Variants in AKNA observed in about 807,000 individuals in gnomAD.
AKNA encodes the protein AT-hook transcription factor.
Under a neutral mutation model 138.8 loss-of-function variants are expected in AKNA, and 67 were observed. The observed-to-expected ratio is 0.48, with a 90% CI of 0.40 to 0.59. AKNA has a LOEUF of 0.59. Among genes scored for constraint, AKNA ranks in the 20% least tolerant of loss-of-function variants. AKNA has a pLI of 0.00. For synonymous variants in AKNA, 737 were observed against 754.4 expected, an observed-to-expected ratio of 0.98 and a Z score of 0.38; for missense variants, 1,813 against 1,880.4, an observed-to-expected ratio of 0.96 and a Z score of 0.66.
chr9:114,370,379 C>G (rs1335346674), intron 4 of AKNA, among the ~76,000 whole-genome samples: 1 of 152,232 alleles, frequency 6.6e-6, no homozygotes, highest in Non-Finnish European at 1.5e-5. Flanking sequence ...AGACCCCTCT[C>G]TCAGCCTCAG....
rs893747712 is a variant in AKNA, at chr9:114,347,730, T to C, written c.3392A>G (p.Tyr1131Cys). ...ADSPATWGSHYGSKSTERLPG... is the reference protein window; with the variant it reads ...ADSPATWGSHCGSKSTERLPG... ...GAGTTTTGAGGTCACCCACCTGCCA[T>C]AATGGGAGCCCCAGGTGGCTGGGGA... Residue 1131 changes from tyrosine to cysteine, a missense_variant, in exon 16 of 22, where the codon TAT becomes TGT. Transcript: ENST00000374088. The C allele has an allele frequency of 3.9e-5, 59 of 1,528,476 alleles. No individual in the cohort carries two copies. The highest frequency in any genetic ancestry group is 4.9e-5 in the Non-Finnish European group (56 of 1,137,020). The allele number at this position is 1,528,476 out of a possible 1,614,324, so 94.7% of individuals were successfully genotyped here.
At chr9:114,394,449 C>G (rs755129811), upstream of AKNA, 14 of 152,282 alleles carry the variant, frequency 9.2e-5, no homozygotes, top group Admixed American at 2.0e-4. Context: ...TCTTTGAGGC[C>G]CTTTACAGCT....
rs199693279 is a variant in AKNA at position 114,345,940 on chromosome 9, T to C, written c.3584A>G (p.Gln1195Arg). 2.0e-4 allele frequency: 323 copies of C among 1,613,944 alleles called. No individual in the cohort carries two copies. Among genetic ancestry groups the C allele is most frequent in the Non-Finnish European group, 2.5e-4 (296 of 1,179,998 alleles). ...CCCTCTCTTTCCATCCCGAGCTGCC[T>C]GTGGACTGTCCTTGGTGGTCTTGCT... Reference protein sequence around the residue: ...EKSKTTKDSPQAARDGKRGVG... With the variant: ...EKSKTTKDSPRAARDGKRGVG... The change falls in exon 18 of 22, where the codon CAG becomes CGG. Residue 1195 changes from glutamine (Q) to arginine (R), a missense_variant. Physicochemically the swap from Gln to Arg is conservative, Grantham distance 43. Transcript: ENST00000374088.
chr9:114,365,503 T>A (rs1425105785), intron 6 of AKNA, among the ~76,000 whole-genome samples: 1 of 152,128 alleles, frequency 6.6e-6, no homozygotes, highest in Non-Finnish European at 1.5e-5. Context: ...AGGGATGATG[T>A]AAGGTTCGGT....
At chr9:114,385,999 C>T (rs1834005320) in intron 1 of AKNA, among the ~76,000 whole-genome samples, 1 of 151,990 alleles carries the variant, frequency 6.6e-6, no homozygotes, top group Non-Finnish European at 1.5e-5. Context: ...AAGGGGATAT[C>T]ACCCTGCTAG....
intron 7 of AKNA, 100 bp from the exon 8 acceptor site, chr9:114,362,633 T>C: frequency 1.4e-6 from 2 of 1,417,638 alleles, no homozygotes; most frequent in South Asian, 2.9e-5. Context: ...GGCCATGGGA[T>C]GCACCTGGGC....
intron 4 of AKNA, among the ~76,000 whole-genome samples, chr9:114,373,079 AG>A (rs1832914239): frequency 6.6e-6 from 1 of 150,902 alleles, no homozygotes; most frequent in South Asian, 2.1e-4. Context: ...CAGCTGTGGC[AG>A]GGGCAGGGTC....
downstream of AKNA, chr9:114,331,540 C>A: frequency 6.3e-7 from 1 of 1,580,040 alleles, no homozygotes; most frequent in Non-Finnish European, 8.7e-7. Context: ...CCCATGTTCT[C>A]ACCCAGAGGC....
intron 1 of AKNA, among the ~76,000 whole-genome samples, chr9:114,382,739 A>G (rs1833778607): frequency 6.6e-6 from 1 of 152,222 alleles, no homozygotes; most frequent in African/African-American, 2.4e-5. Flanking sequence ...AAGGTCACAT[A>G]TAGTGTGATT....
Position 114,381,418 on chromosome 9 carries a change from CT to C in AKNA, c.-86del. Reference sequence around the variant, plus strand: ...GGGGCCCCAGAGTCACCGCTGGTTCCTGTCAGCATCGGCCATCCTGCCTGTG... The same window carrying C: ...GGGGCCCCAGAGTCACCGCTGGTTCCGTCAGCATCGGCCATCCTGCCTGTG... On this transcript the variant is annotated 5_prime_UTR_variant, in exon 2 of 22. It removes the in-frame stop codon of an upstream open reading frame in the 5' UTR. Transcript: ENST00000374088. 1 of 1,443,346 alleles carries C rather than the reference CT, an allele frequency of 6.9e-7. No homozygotes were observed. 89.4% of individuals were successfully genotyped at this position (1,443,346 alleles called of 1,614,324 possible). A position where few individuals can be genotyped will look rare whatever the true frequency, so the allele number is the denominator to read the frequency against.
At chr9:114,359,278 A>G (rs893057026) in intron 11 of AKNA, 1 of 397,568 alleles carries the variant, frequency 2.5e-6, no homozygotes. Context: ...CGTTTTGCTC[A>G]GGCTAGTCTT....
intron 15 of AKNA, chr9:114,348,894 C>T (rs1830899265): frequency 2.2e-6 from 1 of 456,210 alleles, no homozygotes. Context: ...TGCCTGGTGG[C>T]CCCTGGACTC....
intron 8 of AKNA, 117 bp downstream of exon 8, chr9:114,362,289 A>C: frequency 1.5e-6 from 2 of 1,365,362 alleles, no homozygotes; most frequent in African/African-American, 1.5e-5. Flanking sequence ...TTAGGATAAG[A>C]TTTCTCTCTA....
intron 9 of AKNA, among the ~76,000 whole-genome samples, chr9:114,361,448 C>CA (rs1831952412): frequency 6.6e-6 from 1 of 152,044 alleles, no homozygotes; most frequent in South Asian, 2.1e-4. Context: ...ATAACTAAAT[C>CA]ACTGTAACCA....
At chr9:114,368,293 G>A (rs1832517572) in intron 5 of AKNA, 146 bp downstream of exon 5, 2 of 919,166 alleles carry the variant, frequency 2.2e-6, no homozygotes, top group Middle Eastern at 3.9e-4. Context: ...TGACCCTTTT[G>A]AGTCAAAGTG....
At chr9:114,345,829 G>A (rs1020206720) in intron 18 of AKNA, 34 bp downstream of exon 18, 1 of 1,608,622 alleles carries the variant, frequency 6.2e-7, no homozygotes, top group African/African-American at 1.3e-5. Context: ...GACACCAGGA[G>A]CTGCACCCAT....
In AKNA at chr9:114,356,058, A is replaced by G. The variant is rs1488709277; in HGVS notation, c.2925T>C (p.Ser975=). 1 of 1,614,152 alleles carries G rather than the reference A, an allele frequency of 6.2e-7. No homozygotes were observed. The highest frequency in any genetic ancestry group is 1.1e-5 in the South Asian group (1 of 91,092). Residue 975 remains serine (S), a synonymous_variant, in exon 14 of 22, where the codon TCT becomes TCC. Coordinates refer to ENST00000374088, the MANE Select transcript of AKNA (RefSeq NM_001317950.2). ...DGASYPKARG[S]LIPRRATEPS... is the part of the protein sequence containing the mutation. ...GCTCTGTGGCTCTTCTGGGAATCAGAGAACCCCTGGCCTTGGGGTAGGAAG... is the reference window on the plus strand; with the variant it reads ...GCTCTGTGGCTCTTCTGGGAATCAGGGAACCCCTGGCCTTGGGGTAGGAAG...
chr9:114,330,679 G>C, downstream of AKNA: 1 of 1,600,776 alleles, frequency 6.2e-7, no homozygotes. Context: ...GGGTGGAACC[G>C]GGAGGGTTGG....
rs778228095 is a variant in AKNA, at chr9:114,355,936, GCCAGTGTCCGCT to G, written c.3035_3046del (p.Glu1012_Leu1015del). 10 of 1,614,194 alleles carry G rather than the reference GCCAGTGTCCGCT, an allele frequency of 6.2e-6. No homozygotes were observed. Among genetic ancestry groups the G allele is most frequent in the Admixed American group, 1.7e-5 (1 of 60,024 alleles). On this transcript the variant is annotated inframe_deletion, in exon 14 of 22. Coordinates refer to ENST00000374088, the MANE Select transcript of AKNA (RefSeq NM_001317950.2). ...ACTCCTGCACTCACCCATCTCGGCTGCCAGTGTCCGCTCCAGGCTGAAGTTGGGTGCCCTCTG... is the reference window on the plus strand; with the variant it reads ...ACTCCTGCACTCACCCATCTCGGCTGCCAGGCTGAAGTTGGGTGCCCTCTG...
Sources: allele counts gnomAD v4.1 joint callset (sites outside exome capture counted in the v4.1 genomes callset), GRCh38; gene constraint gnomAD v4.1.1; transcripts MANE v1.5; gene names NCBI Gene and HGNC (gene_info 2026-07-23, HGNC 2026-07-21).